The following NRG1 variants were observed in gnomAD, a reference collection of about 807,000 sequenced individuals.
NRG1 encodes neuregulin 1.
In NRG1, 18 loss-of-function variants were observed where a neutral mutation model predicts 63.8. The observed-to-expected ratio is 0.28, with a 90% CI of 0.19 to 0.42. NRG1 has a LOEUF of 0.42. NRG1 is among the 10% of genes least tolerant of loss of function. The pLI, the probability that NRG1 is intolerant of heterozygous loss-of-function variation, is 1.00. For synonymous variants in NRG1, 302 were observed against 301.3 expected (o/e 1.00, Z -0.02); for missense variants, 762 against 814.7 (o/e 0.94, Z 0.79).
intron 1 of NRG1, among the ~76,000 whole-genome samples, chr8:32,583,629 A>G (rs1319913877): frequency 6.6e-6 from 1 of 152,216 alleles, no homozygotes; most frequent in Non-Finnish European, 1.5e-5. Context: ...ATTAAAGGAA[A>G]TTAAAATCTA....
At chr8:32,320,043 G>A (rs1466622140) in intron 1 of NRG1, among the ~76,000 whole-genome samples, 1 of 152,066 alleles carries the variant, frequency 6.6e-6, no homozygotes, top group Admixed American at 6.6e-5. Context: ...TTTAAGCCCA[G>A]GTCTGCTACT....
At chr8:32,111,228 T>C (rs1831984859) in intron 1 of NRG1, among the ~76,000 whole-genome samples, 1 of 152,156 alleles carries the variant, frequency 6.6e-6, no homozygotes, top group Admixed American at 6.5e-5. Flanking sequence ...GCAATTTTCG[T>C]TCCTCAGCTT....
chr8:32,438,799 C>G (rs777432160), intron 1 of NRG1, among the ~76,000 whole-genome samples: 3 of 152,058 alleles, frequency 2.0e-5, no homozygotes, highest in Non-Finnish European at 4.4e-5. Flanking sequence ...TGTTGAACAT[C>G]TTTTCATAGG....
intron 1 of NRG1, among the ~76,000 whole-genome samples, chr8:32,321,876 T>C (rs1159022226): frequency 6.6e-6 from 1 of 151,894 alleles, no homozygotes; most frequent in African/African-American, 2.4e-5. Context: ...TTATATAAGC[T>C]AGACCTCACT....
chr8:32,044,913 C>CAAAAAAAAAAAAAAAAAAAAAAAAAAA, intron 1 of NRG1, among the ~76,000 whole-genome samples: 6 of 57,146 alleles, frequency 1.0e-4, no homozygotes, highest in Admixed American at 3.9e-4. Context: ...TAAAGAAAAG[C>CAAAAAAAAAAAAAAAAAAAAAAAAAAA]AAAAAAAAAA....
At chr8:31,905,551 T>C (rs1162948199) in intron 1 of NRG1, among the ~76,000 whole-genome samples, 1 of 152,258 alleles carries the variant, frequency 6.6e-6, no homozygotes, top group African/African-American at 2.4e-5. Context: ...TTCTGATTTT[T>C]AGATAGATCA....
intron 1 of NRG1, among the ~76,000 whole-genome samples, chr8:31,939,183 G>GAAATA (rs1801389255): frequency 6.6e-6 from 1 of 152,124 alleles, no homozygotes; most frequent in East Asian, 1.9e-4. Flanking sequence ...GGTAACCTAT[G>GAAATA]AAGAAATATC....
At position 32,240,617 on chromosome 8, in the gene NRG1, C is replaced by G. The variant is rs564623788; in HGVS notation, c.38-355211C>G. Among the ~76,000 whole-genome samples, 4 of 152,082 alleles carry G rather than the reference C, an allele frequency of 2.6e-5. No homozygotes were observed. In the South Asian group the frequency reaches 8.3e-4, roughly 32 times the overall value. On this transcript the variant is annotated intron_variant, in intron 1 of 10. Transcript: ENST00000519301. ...TTGGTGGATTCCGTAAATGTCAAAT[C>G]TTTGGTTATGATATTGAAGTGTAGT...
chr8:32,223,465 C>G lies in NRG1; in HGVS notation c.38-372363C>G, dbSNP rs180798895. The stretch of plus-strand genomic sequence containing the variant: ...AGGATATAATTGCTGTTTCTATGAC[C>G]TTGGGTAAGTCATTTAACCCCTCTG... On this transcript the variant is annotated intron_variant, in intron 1 of 10. Transcript: ENST00000519301. Among the ~76,000 whole-genome samples the G allele has an allele frequency of 5.5e-4, 84 of 152,060 alleles. No individual in the cohort carries two copies. The Middle Eastern group carries it at 0.014, about 25-fold the overall frequency.
chr8:32,248,395 G>C (rs946128920), intron 1 of NRG1, among the ~76,000 whole-genome samples: 2 of 152,006 alleles, frequency 1.3e-5, no homozygotes, highest in Non-Finnish European at 2.9e-5. Flanking sequence ...CTTATGCAAA[G>C]TGGCAAAAAT....
At chr8:32,744,599 T>C (rs1025698814) in intron 7 of NRG1, among the ~76,000 whole-genome samples, 1 of 152,138 alleles carries the variant, frequency 6.6e-6, no homozygotes, top group Non-Finnish European at 1.5e-5. Flanking sequence ...AGCAAATCCA[T>C]GTGGCTAGAT....
intron 5 of NRG1, among the ~76,000 whole-genome samples, chr8:32,628,034 A>G (rs1466300748): frequency 6.6e-6 from 1 of 152,228 alleles, no homozygotes; most frequent in Non-Finnish European, 1.5e-5. Context: ...ATAAAAATCC[A>G]TTTCTTTCAC....
chr8:31,714,864 A>G (rs1192723294), intron 1 of NRG1, among the ~76,000 whole-genome samples: 1 of 152,212 alleles, frequency 6.6e-6, no homozygotes, highest in African/African-American at 2.4e-5. Flanking sequence ...TGATTAAAAA[A>G]TGAAGAAACT....
At chr8:32,542,885 G>C (rs150898116) in intron 1 of NRG1, among the ~76,000 whole-genome samples, 183 of 152,280 alleles carry the variant, frequency 1.2e-3, no homozygotes, top group African/African-American at 4.1e-3. Flanking sequence ...CTTGGATTGG[G>C]GTGGTACTTA....
At chr8:32,464,972 C>T (rs772542594) in intron 1 of NRG1, among the ~76,000 whole-genome samples, 4 of 151,940 alleles carry the variant, frequency 2.6e-5, no homozygotes, top group African/African-American at 4.8e-5. Flanking sequence ...GCCAGGAGTT[C>T]GAGACCAGCC....
chr8:32,589,430 C>G (rs974138308), intron 1 of NRG1, among the ~76,000 whole-genome samples: 6 of 152,222 alleles, frequency 3.9e-5, no homozygotes, highest in African/African-American at 1.4e-4. Context: ...CCGGTTGTCA[C>G]TGTGGGATCT....
intron 1 of NRG1, among the ~76,000 whole-genome samples, chr8:31,710,080 A>T (rs1811588083): frequency 6.6e-6 from 1 of 151,800 alleles, no homozygotes. Context: ...TGCTTTAGCT[A>T]TAGCTCATGA....
At position 32,456,756 on chromosome 8, in the gene NRG1, T is replaced by G. The variant is rs192910713; in HGVS notation, c.38-139072T>G. ...GGGGAGTCAAAAGGTATATGCAGAT[T>G]TTCACGGGTGGTTGGACCCCCCCAG... On this transcript the variant is annotated intron_variant, in intron 1 of 10. Transcript: ENST00000519301. 5.9e-5 allele frequency among the ~76,000 whole-genome samples: 9 copies of G among 152,294 alleles called. No homozygotes were observed. In the East Asian group the frequency reaches 1.7e-3, roughly 29 times the overall value.
At chr8:32,645,089 T>A (rs893234463) in intron 5 of NRG1, among the ~76,000 whole-genome samples, 1 of 152,156 alleles carries the variant, frequency 6.6e-6, no homozygotes, top group African/African-American at 2.4e-5. Flanking sequence ...TTTGAAGAAA[T>A]CATAAATTAC....
Sources: gnomAD v4.1 joint callset for allele counts (sites outside exome capture counted in the v4.1 genomes callset) on GRCh38, gnomAD v4.1.1 for gene constraint, MANE v1.5 for transcripts, NCBI Gene and HGNC (gene_info 2026-07-23, HGNC 2026-07-21) for gene names.